Variants in LACTBL1 observed in about 807,000 individuals in gnomAD.
LACTBL1 encodes the protein lactamase beta like 1, also known as beta-lactamase-like protein 1.
Under a neutral mutation model 39.6 loss-of-function variants are expected in LACTBL1, and 29 were observed. The ratio of observed to expected loss-of-function variants is 0.73; its 90% CI spans 0.55 to 1.00. The LOEUF is 1.00. LACTBL1 is among the 50% of genes least tolerant of loss of function. LACTBL1 has a pLI of 0.00. For synonymous variants in LACTBL1, 361 were observed against 360.7 expected (o/e 1.00, Z -0.01); for missense variants, 711 against 748.5 (o/e 0.95, Z 0.59).
At chr1:22,959,548 C>T (rs1222845087) in intron 3 of LACTBL1, among the ~76,000 whole-genome samples, 2 of 152,222 alleles carry the variant, frequency 1.3e-5, no homozygotes, top group African/African-American at 4.8e-5. Context: ...AACAGAATGT[C>T]CCCATCTGTT....
chr1:22,955,941 G>A (rs1444309875), intron 4 of LACTBL1, among the ~76,000 whole-genome samples: 1 of 151,776 alleles, frequency 6.6e-6, no homozygotes, highest in East Asian at 1.9e-4. Context: ...GCATGCGCCT[G>A]TAATCCCAGC....
At chr1:22,961,123 G>A (rs1640818381) in intron 2 of LACTBL1, among the ~76,000 whole-genome samples, 1 of 152,130 alleles carries the variant, frequency 6.6e-6, no homozygotes, top group Non-Finnish European at 1.5e-5. Context: ...ATGATGAAGT[G>A]CAATGATGAC....
At chr1:22,960,631 A>C (rs984031618) in intron 2 of LACTBL1, among the ~76,000 whole-genome samples, 2 of 150,724 alleles carry the variant, frequency 1.3e-5, no homozygotes, top group Non-Finnish European at 3.0e-5. Flanking sequence ...AAAAAAAAAA[A>C]AAAAAAAAAA....
chr1:22,963,454 C>T (rs1640847178), intron 1 of LACTBL1, among the ~76,000 whole-genome samples: 2 of 152,190 alleles, frequency 1.3e-5, no homozygotes, highest in Non-Finnish European at 2.9e-5. Flanking sequence ...GGTCACTGTA[C>T]TCCCCTCTCT....
chr1:22,960,490 G>A (rs1424300837), intron 2 of LACTBL1, among the ~76,000 whole-genome samples: 2 of 151,878 alleles, frequency 1.3e-5, no homozygotes, highest in African/African-American at 2.4e-5. Flanking sequence ...GGTGGCGGGC[G>A]CCTGTAATCC....
exon 4 of LACTBL1, chr1:22,958,767 G>A: frequency 6.4e-7 from 1 of 1,550,648 alleles, no homozygotes. Flanking sequence ...CGTCCATCAG[G>A]CCCTGCTGTT....
chr1:22,958,638 C>G, intron 4 of LACTBL1, 47 bp downstream of exon 6: 2 of 1,440,208 alleles, frequency 1.4e-6, no homozygotes, highest in Non-Finnish European at 1.9e-6. Context: ...CCTCAGCTTC[C>G]CCACCTGAAA....
Position 22,960,485 on chromosome 1 carries a change from C to T in LACTBL1, c.160-386G>A, listed in dbSNP as rs555732274. ...ACAAAAAATTAGCTGGGCATGGTGG[C>T]GGGCGCCTGTAATCCCAGCTACTTG... On this transcript the variant is annotated intron_variant, in intron 2 of 5. Transcript: ENST00000426928. 6.6e-5 allele frequency among the ~76,000 whole-genome samples: 10 copies of T among 152,006 alleles called. No individual in the cohort carries two copies. The South Asian group carries it at 1.2e-3, about 19-fold the overall frequency.
chr1:22,963,434 C>T (rs1431738080), intron 1 of LACTBL1, among the ~76,000 whole-genome samples: 1 of 152,144 alleles, frequency 6.6e-6, no homozygotes, highest in Non-Finnish European at 1.5e-5. Context: ...GGCCACAGCT[C>T]CTGGTTGGTG....
At chr1:22,955,230 T>C in intron 5 of LACTBL1, 91 bp downstream of exon 7, 1 of 1,033,370 alleles carries the variant, frequency 9.7e-7, no homozygotes, top group Non-Finnish European at 1.4e-6. Context: ...TCTGCCAACC[T>C]AGGATGAGGT....
chr1:22,961,777 C>T (rs759982199), intron 2 of LACTBL1, among the ~76,000 whole-genome samples: 1 of 152,122 alleles, frequency 6.6e-6, no homozygotes, highest in Non-Finnish European at 1.5e-5. Flanking sequence ...TTCTTTTCCT[C>T]GCTTTGTCAC....
At chr1:22,959,044 A>T (rs1640790407) in intron 3 of LACTBL1, 124 bp from the exon 6 acceptor site, 2 of 639,512 alleles carry the variant, frequency 3.1e-6, no homozygotes, top group Non-Finnish European at 5.4e-6. Flanking sequence ...TTAAGTCAAC[A>T]TCTCCAACAG....
chr1:22,969,632 C>T (rs1640918536), upstream of LACTBL1, among the ~76,000 whole-genome samples: 1 of 146,628 alleles, frequency 6.8e-6, no homozygotes, highest in South Asian at 2.4e-4. Flanking sequence ...TGTCTTTATG[C>T]CCCCACCTCC....
At chr1:22,972,767 C>T in the LACTBL1 span, 2 of 693,646 alleles carry the variant, frequency 2.9e-6, no homozygotes, top group South Asian at 1.3e-4. Context: ...TTGGCCACAA[C>T]TTACCCTCTC....
chr1:22,954,041 G>C lies in LACTBL1; in HGVS notation c.660-17C>G. 2 of 1,511,226 alleles carry C rather than the reference G, an allele frequency of 1.3e-6. No homozygotes were observed. The highest frequency in any genetic ancestry group is 1.8e-6 in the Non-Finnish European group (2 of 1,124,058). The allele number at this position is 1,511,226 out of a possible 1,614,324, so 93.6% of individuals were successfully genotyped here. A position where few individuals can be genotyped will look rare whatever the true frequency, so the allele number is the denominator to read the frequency against. Reference sequence around the variant, plus strand: ...TAATGGCATCTGGAAGGAGAGCAGTGGCAAGTGGGACGGGGCCCTTCCTCA... The same window carrying C: ...TAATGGCATCTGGAAGGAGAGCAGTCGCAAGTGGGACGGGGCCCTTCCTCA... On this transcript the variant is annotated splice_polypyrimidine_tract_variant and intron_variant, in intron 5 of 5. Coordinates refer to ENST00000426928, the Ensembl canonical transcript of LACTBL1.
At chr1:22,957,142 T>C (rs1640769632) in intron 4 of LACTBL1, among the ~76,000 whole-genome samples, 1 of 152,214 alleles carries the variant, frequency 6.6e-6, no homozygotes, top group Non-Finnish European at 1.5e-5. Context: ...CATGCTTTTT[T>C]CCTACTTAGT....
At chr1:22,954,339 C>A (rs1455361865) in intron 5 of LACTBL1, among the ~76,000 whole-genome samples, 2 of 152,152 alleles carry the variant, frequency 1.3e-5, no homozygotes, top group African/African-American at 4.8e-5. Context: ...GTATGATTTA[C>A]CTTATCTAAT....
chr1:22,963,044 G>T, intron 2 of LACTBL1, 63 bp downstream of exon 4: 5 of 813,948 alleles, frequency 6.1e-6, no homozygotes, highest in Non-Finnish European at 8.5e-6. Flanking sequence ...CAGAGGGACT[G>T]CCCTCCCCTT....
At chr1:22,972,274 A>G in the LACTBL1 span, 2 of 984,330 alleles carry the variant, frequency 2.0e-6, no homozygotes, top group Non-Finnish European at 2.4e-6. Flanking sequence ...AAGCTGACAC[A>G]TGGTGACAGC....
Sources: gnomAD v4.1 joint callset for allele counts (sites outside exome capture counted in the v4.1 genomes callset) on GRCh38, gnomAD v4.1.1 for gene constraint, MANE v1.5 for transcripts, NCBI Gene and HGNC (gene_info 2026-07-23, HGNC 2026-07-21) for gene names.